The following CNTNAP2 variants were observed in gnomAD, a reference collection of about 807,000 sequenced individuals.
CNTNAP2 encodes contactin associated protein 2.
A neutral mutation model predicts 155.2 loss-of-function variants in CNTNAP2; 98 were observed. The observed-to-expected ratio is 0.63, with a 90% CI of 0.54 to 0.75. CNTNAP2 has a LOEUF of 0.75. Ranked by LOEUF, CNTNAP2 falls within the 30% of genes least tolerant of loss-of-function variation. The pLI, the probability that CNTNAP2 is intolerant of heterozygous loss-of-function variation, is 0.00. For synonymous variants in CNTNAP2, 651 were observed against 631.2 expected, an observed-to-expected ratio of 1.03 and a Z score of -0.47; for missense variants, 1,727 against 1,688.1, an observed-to-expected ratio of 1.02 and a Z score of -0.40.
chr7:146,391,383 T>G (rs1795541895), intron 1 of CNTNAP2, among the ~76,000 whole-genome samples: 1 of 151,994 alleles, frequency 6.6e-6, no homozygotes, highest in Non-Finnish European at 1.5e-5. Flanking sequence ...GCTTTTTATC[T>G]TTCAAAACAT....
chr7:147,937,396 G>A (rs150213616), intron 14 of CNTNAP2, among the ~76,000 whole-genome samples: 2 of 152,100 alleles, frequency 1.3e-5, no homozygotes, highest in African/African-American at 4.8e-5. Flanking sequence ...GCCCAATACT[G>A]GGCAATAGGC....
chr7:146,689,035 C>T (rs1485326594), intron 1 of CNTNAP2, among the ~76,000 whole-genome samples: 1 of 152,096 alleles, frequency 6.6e-6, no homozygotes, highest in Non-Finnish European at 1.5e-5. Flanking sequence ...TTTTAAAACA[C>T]TTTTTCACGA....
chr7:147,906,497 A>ATT (rs575324842), intron 14 of CNTNAP2, among the ~76,000 whole-genome samples: 1,632 of 145,700 alleles, frequency 0.011, 44 homozygotes, highest in African/African-American at 0.038. Flanking sequence ...TTTATTTTTT[A>ATT]TTTTTTTTTT....
At chr7:147,031,077 T>G (rs1199108791) in intron 3 of CNTNAP2, among the ~76,000 whole-genome samples, 1 of 152,180 alleles carries the variant, frequency 6.6e-6, no homozygotes, top group African/African-American at 2.4e-5. Context: ...TCCAAACCTC[T>G]GCTTCTTAGG....
intron 3 of CNTNAP2, among the ~76,000 whole-genome samples, chr7:146,944,688 C>T (rs908595762): frequency 3.2e-4 from 48 of 152,132 alleles, no homozygotes; most frequent in African/African-American, 1.1e-3. Flanking sequence ...ACCATCCTGG[C>T]TAACACGGTG....
chr7:146,927,689 T>C (rs1032945842), intron 3 of CNTNAP2, among the ~76,000 whole-genome samples: 1 of 151,998 alleles, frequency 6.6e-6, no homozygotes, highest in Non-Finnish European at 1.5e-5. Context: ...AAAATATCTA[T>C]GCTAAAAACA....
chr7:147,900,465 A>G (rs1181235315), intron 13 of CNTNAP2, among the ~76,000 whole-genome samples: 3 of 152,006 alleles, frequency 2.0e-5, no homozygotes, highest in African/African-American at 7.2e-5. Flanking sequence ...TTCGTCTGCC[A>G]TGATTGTAAG....
intron 1 of CNTNAP2, among the ~76,000 whole-genome samples, chr7:146,174,554 T>C (rs887009123): frequency 1.3e-5 from 2 of 152,088 alleles, no homozygotes; most frequent in African/African-American, 4.8e-5. Flanking sequence ...GATTCTACTA[T>C]AGGCTGGGCG....
chr7:148,255,381 T>C (rs1186345405), intron 20 of CNTNAP2, among the ~76,000 whole-genome samples: 1 of 152,262 alleles, frequency 6.6e-6, no homozygotes, highest in African/African-American at 2.4e-5. Context: ...TTTCTCCTCC[T>C]GTCCGTTGAC....
intron 10 of CNTNAP2, among the ~76,000 whole-genome samples, chr7:147,450,495 G>A (rs2116567533): frequency 6.6e-6 from 1 of 152,232 alleles, no homozygotes; most frequent in South Asian, 2.1e-4. Context: ...AAGCTCACAT[G>A]GACTCCTGAC....
intron 13 of CNTNAP2, among the ~76,000 whole-genome samples, chr7:147,674,315 C>G (rs141532587): frequency 6.6e-6 from 1 of 152,254 alleles, no homozygotes; most frequent in Non-Finnish European, 1.5e-5. Flanking sequence ...AGTTTCATCT[C>G]TCCTTAGAGA....
At chr7:147,546,612 A>G (rs916127208) in intron 11 of CNTNAP2, among the ~76,000 whole-genome samples, 4 of 152,222 alleles carry the variant, frequency 2.6e-5, no homozygotes, top group Non-Finnish European at 5.9e-5. Context: ...CAAATGCTTT[A>G]TTACAGTTAA....
At chr7:146,901,870 C>CTTTTTTTTTT (rs71165048) in intron 3 of CNTNAP2, among the ~76,000 whole-genome samples, 2 of 88,222 alleles carry the variant, frequency 2.3e-5, no homozygotes, top group Non-Finnish European at 4.4e-5. Flanking sequence ...ATATATGCTC[C>CTTTTTTTTTT]TTTTTTTTTT....
intron 18 of CNTNAP2, among the ~76,000 whole-genome samples, chr7:148,199,308 T>C (rs927166133): frequency 2.6e-5 from 4 of 152,206 alleles, no homozygotes; most frequent in Admixed American, 2.0e-4. Context: ...TCTCCCCAGA[T>C]TCCTGATAGA....
At chr7:147,748,374 G>T (rs76895754) in intron 13 of CNTNAP2, among the ~76,000 whole-genome samples, 1,840 of 152,190 alleles carry the variant, frequency 0.012, 46 homozygotes, top group African/African-American at 0.042. Context: ...TGAATGAAAA[G>T]TGTGCTGCAT....
intron 13 of CNTNAP2, among the ~76,000 whole-genome samples, chr7:147,758,033 G>T (rs1584940626): frequency 6.6e-6 from 1 of 152,130 alleles, no homozygotes; most frequent in East Asian, 1.9e-4. Flanking sequence ...AGAAAAATAG[G>T]GAATTTATTT....
At chr7:147,800,104 T>A (rs6651096) in intron 13 of CNTNAP2, among the ~76,000 whole-genome samples, 2 of 152,222 alleles carry the variant, frequency 1.3e-5, no homozygotes, top group African/African-American at 4.8e-5. Context: ...AATAGTGCCA[T>A]TGCTTGTGGC....
chr7:147,031,064 A>G (rs894582190), intron 3 of CNTNAP2, among the ~76,000 whole-genome samples: 3 of 152,130 alleles, frequency 2.0e-5, no homozygotes, highest in African/African-American at 7.2e-5. Flanking sequence ...ATCCATTTCT[A>G]CCTCCAAACC....
intron 2 of CNTNAP2, among the ~76,000 whole-genome samples, chr7:146,832,671 G>C (rs182782279): frequency 7.0e-6 from 1 of 142,976 alleles, no homozygotes; most frequent in Non-Finnish European, 1.5e-5. Flanking sequence ...AAATATGTAC[G>C]TGTGTGTGTA....
Sources: allele counts gnomAD v4.1 joint callset (sites outside exome capture counted in the v4.1 genomes callset), GRCh38; gene constraint gnomAD v4.1.1; transcripts MANE v1.5; gene names NCBI Gene and HGNC (gene_info 2026-07-23, HGNC 2026-07-21).